The following ZNF333 variants were observed in gnomAD, a reference collection of about 807,000 sequenced individuals.
ZNF333 encodes zinc finger protein 333.
Under a neutral mutation model 76.1 loss-of-function variants are expected in ZNF333, and 61 were observed. That is an observed-to-expected ratio of 0.80 (90% CI 0.65 to 0.99). ZNF333 has a LOEUF of 0.99. Among genes scored for constraint, ZNF333 ranks in the 50% least tolerant of loss-of-function variants. ZNF333 has a pLI of 0.00. For missense variants in ZNF333, 717 were observed against 822.4 expected (o/e 0.87, Z 1.57); for synonymous variants, 284 against 305.0 (o/e 0.93, Z 0.72).
At chr19:14,713,641 A>T (rs2042341276) in intron 7 of ZNF333, among the ~76,000 whole-genome samples, 1 of 152,066 alleles carries the variant, frequency 6.6e-6, no homozygotes, top group South Asian at 2.1e-4. Context: ...GTGATCACTG[A>T]TCACAGGCTG....
exon 12 of ZNF333, chr19:14,731,271 G>A: frequency 7.5e-7 from 1 of 1,333,992 alleles, no homozygotes; most frequent in Non-Finnish European, 1.0e-6. Context: ...ATCACTACTG[G>A]GGCTTGAAGA....
chr19:14,690,374 C>T (rs1229195560), intron 1 of ZNF333, among the ~76,000 whole-genome samples: 2 of 152,214 alleles, frequency 1.3e-5, no homozygotes, highest in African/African-American at 4.8e-5. Context: ...GGGCTGTCAT[C>T]CTGTCAAAAG....
intron 4 of ZNF333, 45 bp downstream of exon 4, chr19:14,695,706 G>A: frequency 6.3e-7 from 1 of 1,577,132 alleles, no homozygotes; most frequent in Non-Finnish European, 8.7e-7. Flanking sequence ...CCCTGGTTGG[G>A]TGGTGTGCCT....
chr19:14,712,136 G>A (rs10414512), intron 7 of ZNF333, among the ~76,000 whole-genome samples: 4,752 of 152,056 alleles, frequency 0.031, 243 homozygotes, highest in African/African-American at 0.099. Flanking sequence ...TCAGAGAGGG[G>A]TGAGATTTCT....
At chr19:14,732,211 C>G (rs960487615) in exon 12 of ZNF333, 1 of 152,102 alleles carries the variant, frequency 6.6e-6, no homozygotes, top group Admixed American at 6.5e-5. Flanking sequence ...AGCCCTGTGT[C>G]GAGCAAGTCT....
chr19:14,700,991 TCA>T (rs1159852473), intron 5 of ZNF333, among the ~76,000 whole-genome samples: 4 of 152,108 alleles, frequency 2.6e-5, no homozygotes, highest in South Asian at 2.1e-4. Flanking sequence ...CAGCCAAAAC[TCA>T]CAACCTGCCT....
At chr19:14,694,243 C>T (rs549435138) in intron 2 of ZNF333, among the ~76,000 whole-genome samples, 5 of 152,136 alleles carry the variant, frequency 3.3e-5, no homozygotes, top group East Asian at 3.9e-4. Flanking sequence ...GAGGCCGAGG[C>T]GGGCAGATCA....
chr19:14,699,361 C>T, intron 5 of ZNF333, 80 bp downstream of exon 5: 1 of 1,250,308 alleles, frequency 8.0e-7, no homozygotes, highest in South Asian at 1.2e-5. Flanking sequence ...AGGACCAGAG[C>T]CAGGGAGATG....
At chr19:14,693,164 A>T (rs1447725567) in intron 1 of ZNF333, among the ~76,000 whole-genome samples, 1 of 152,240 alleles carries the variant, frequency 6.6e-6, no homozygotes, top group African/African-American at 2.4e-5. Flanking sequence ...TCGTTTAAGA[A>T]ATAAATATCA....
exon 12 of ZNF333, chr19:14,732,857 T>C (rs2042686660): frequency 6.6e-6 from 1 of 152,258 alleles, no homozygotes; most frequent in Non-Finnish European, 1.5e-5. Flanking sequence ...TGTCTATAGC[T>C]GTTTTCATAC....
intron 2 of ZNF333, among the ~76,000 whole-genome samples, 186 bp from the exon 3 acceptor site, chr19:14,694,824 A>G (rs970219612): frequency 6.6e-6 from 1 of 152,254 alleles, no homozygotes; most frequent in Non-Finnish European, 1.5e-5. Flanking sequence ...CAAAACAGCC[A>G]TTGATGCATT....
Position 14,695,634 on chromosome 19 carries a change from C to T in ZNF333, c.196C>T (p.Arg66Ter), listed in dbSNP as rs143522254. Reference sequence around the variant, plus strand: ...AAGAGCAGAGCCAAAGGCAACAGAACGAGGGATTCTCCGTGCCACAGGTGT... The same window carrying T: ...AAGAGCAGAGCCAAAGGCAACAGAATGAGGGATTCTCCGTGCCACAGGTGT... ...GQRAEPKATE[R>*]GILRATGVAW... is the part of the protein sequence containing the mutation. The change falls in exon 4 of 12, where the codon CGA (arginine) becomes TGA (stop). Residue 66 changes from arginine to a stop codon, truncating the protein, a stop_gained. Transcript: ENST00000292530. LOFTEE classifies it high-confidence loss of function. 45 of 1,614,042 alleles carry T rather than the reference C, an allele frequency of 2.8e-5. 1 individual carries two copies. Among genetic ancestry groups the T allele is most frequent in the South Asian group, 2.4e-4 (22 of 91,090 alleles).
intron 6 of ZNF333, chr19:14,706,022 G>A: frequency 2.2e-6 from 1 of 446,732 alleles, no homozygotes; most frequent in African/African-American, 2.0e-5. Flanking sequence ...CCTGCTGCAT[G>A]TACCCCCCAA....
At chr19:14,690,266 A>G (rs952266900) in intron 1 of ZNF333, 116 bp downstream of exon 1, 2 of 152,252 alleles carry the variant, frequency 1.3e-5, no homozygotes, top group Non-Finnish European at 2.9e-5. Context: ...CCCTGCGATC[A>G]GCCGGTGGCC....
At chr19:14,727,313 C>A (rs554471521) in intron 11 of ZNF333, among the ~76,000 whole-genome samples, 2 of 152,158 alleles carry the variant, frequency 1.3e-5, no homozygotes, top group Non-Finnish European at 2.9e-5. Context: ...CAGGTGTGAG[C>A]CACCAAGCCC....
Position 14,719,378 on chromosome 19 carries a change from A to T in ZNF333, c.*53A>T. On this transcript the variant is annotated 3_prime_UTR_variant, in exon 12 of 12. Transcript: ENST00000292530. ...TGGGGCTATGACTTTCCCTCGTAAT[A>T]CTCCTTTAGCTGCATCCTGTGTTTC... is the stretch of plus-strand genomic sequence containing the variant. 1 of 1,508,406 alleles carries T rather than the reference A, an allele frequency of 6.6e-7. No homozygotes were observed. Among genetic ancestry groups the T allele is most frequent in the Non-Finnish European group, 8.9e-7 (1 of 1,126,300 alleles). 93.4% of individuals were successfully genotyped at this position (1,508,406 alleles called of 1,614,324 possible).
intron 6 of ZNF333, among the ~76,000 whole-genome samples, chr19:14,705,846 C>T (rs2042094075): frequency 6.6e-6 from 1 of 152,170 alleles, no homozygotes; most frequent in Admixed American, 6.5e-5. Flanking sequence ...CAGTTTCATG[C>T]TAAAACCATA....
At chr19:14,729,365 T>G (rs1050292638) in intron 11 of ZNF333, among the ~76,000 whole-genome samples, 1 of 152,116 alleles carries the variant, frequency 6.6e-6, no homozygotes, top group Non-Finnish European at 1.5e-5. Flanking sequence ...ATACACTTTT[T>G]TTTTTTGTTT....
Position 14,706,779 on chromosome 19 carries a change from T to C in ZNF333, c.511+6T>C. 6.2e-7 allele frequency: 1 copy of C among 1,612,434 alleles called. No homozygotes were observed. Among genetic ancestry groups the C allele is most frequent in the Non-Finnish European group, 8.5e-7 (1 of 1,179,528 alleles). On this transcript the variant is annotated splice_donor_region_variant and intron_variant, in intron 7 of 11. Coordinates refer to ENST00000292530, the MANE Select transcript of ZNF333 (RefSeq NM_032433.4). ...ATGGGTGGCCAGGGATTCTGGTGAG[T>C]GAGTGCTGCGTGGAACACGTGGCCA...
Sources: gnomAD v4.1 joint callset for allele counts (sites outside exome capture counted in the v4.1 genomes callset) on GRCh38, gnomAD v4.1.1 for gene constraint, MANE v1.5 for transcripts, NCBI Gene and HGNC (gene_info 2026-07-23, HGNC 2026-07-21) for gene names.